Variants in CNTLN observed in about 807,000 individuals in gnomAD.
The protein encoded by CNTLN is centlein, centrosomal protein.
A neutral mutation model predicts 180.0 loss-of-function variants in CNTLN; 212 were observed. The observed-to-expected ratio is 1.18, with a 90% CI of 1.05 to 1.32. CNTLN has a LOEUF of 1.32. CNTLN is among the 40% of genes most tolerant of loss of function. The pLI is 0.00. For synonymous variants in CNTLN, 722 were observed against 563.1 expected (o/e 1.28, Z -3.99); for missense variants, 2,095 against 1,610.9 (o/e 1.30, Z -5.14).
chr9:17,427,610 A>G (rs948892942), intron 18 of CNTLN, among the ~76,000 whole-genome samples: 1 of 152,188 alleles, frequency 6.6e-6, no homozygotes. Context: ...TAGGCATGAC[A>G]GTTCAATACT....
In CNTLN at chr9:17,358,730, G is replaced by T. The variant is rs113204512; in HGVS notation, c.1887-7887G>T. Among the ~76,000 whole-genome samples, 517 of 152,098 alleles carry T rather than the reference G, an allele frequency of 3.4e-3. 1 individual carries two copies. The highest frequency in any genetic ancestry group is 0.012 in the African/African-American group (479 of 41,492). ...CTACTTCTAGTTAGAAACACTAAAA[G>T]GAATCTTGTATATGAGCACATATAC... On this transcript the variant is annotated intron_variant, in intron 12 of 25. Transcript: ENST00000380647.
chr9:17,351,122 T>C (rs770184084), intron 12 of CNTLN, among the ~76,000 whole-genome samples: 10 of 152,204 alleles, frequency 6.6e-5, no homozygotes, highest in Non-Finnish European at 1.3e-4. Context: ...TCTTCAACAC[T>C]CTGGCACCAT....
At chr9:17,177,876 A>C (rs1820829189) in intron 2 of CNTLN, among the ~76,000 whole-genome samples, 1 of 152,188 alleles carries the variant, frequency 6.6e-6, no homozygotes, top group South Asian at 2.1e-4. Context: ...CTGCTGGCTC[A>C]GGCAGCGGTG....
intron 2 of CNTLN, among the ~76,000 whole-genome samples, chr9:17,194,688 C>T (rs948113787): frequency 6.6e-6 from 1 of 152,174 alleles, no homozygotes; most frequent in African/African-American, 2.4e-5. Context: ...ACCTTTGTTA[C>T]CCAGTTCAAA....
At chr9:17,518,036 C>CTTTTTTTTTTTTTTTTTTTTT in the CNTLN span, among the ~76,000 whole-genome samples, 1 of 69,232 alleles carries the variant, frequency 1.4e-5, no homozygotes, top group African/African-American at 6.0e-5. Context: ...TTTTCTTTTC[C>CTTTTTTTTTTTTTTTTTTTTT]TTTTTTTTTT....
intron 2 of CNTLN, among the ~76,000 whole-genome samples, chr9:17,189,239 C>T (rs1821640265): frequency 6.6e-6 from 1 of 150,904 alleles, no homozygotes; most frequent in Admixed American, 6.6e-5. Context: ...CCCGCCACTA[C>T]GCCCGGCTAA....
intron 7 of CNTLN, among the ~76,000 whole-genome samples, chr9:17,302,919 G>A (rs1563976918): frequency 6.6e-6 from 1 of 152,148 alleles, no homozygotes; most frequent in Non-Finnish European, 1.5e-5. Flanking sequence ...TTTTAGAAAT[G>A]TTTTATGTAA....
Position 17,336,941 on chromosome 9 carries a change from A to G in CNTLN, c.1645-3886A>G, listed in dbSNP as rs573887753. Reference sequence around the variant, plus strand: ...TTTACCCTCCCGCCAACAGTGTACAAGTGTTTCTGTTTCTCCACATCCTCT... The same window carrying G: ...TTTACCCTCCCGCCAACAGTGTACAGGTGTTTCTGTTTCTCCACATCCTCT... On this transcript the variant is annotated intron_variant, in intron 10 of 25. Coordinates refer to ENST00000380647, the MANE Select transcript of CNTLN (RefSeq NM_017738.4). Among the ~76,000 whole-genome samples the G allele has an allele frequency of 2.0e-5, 3 of 152,280 alleles. No homozygotes were observed. The South Asian group carries it at 6.2e-4, about 32-fold the overall frequency.
chr9:17,366,586 T>A (rs10963066), intron 12 of CNTLN, 31 bp from the exon 13 acceptor site: 1 of 1,092,742 alleles, frequency 9.2e-7, no homozygotes, highest in South Asian at 1.4e-5. Context: ...AACAATATGG[T>A]TTTAAGTAAA....
intron 15 of CNTLN, among the ~76,000 whole-genome samples, chr9:17,406,488 C>G (rs1442512886): frequency 6.6e-6 from 1 of 151,534 alleles, no homozygotes; most frequent in Non-Finnish European, 1.5e-5. Flanking sequence ...CTAAAACAAC[C>G]AACTCCCTCT....
chr9:17,217,732 C>G (rs956757814), intron 2 of CNTLN, among the ~76,000 whole-genome samples: 4 of 152,148 alleles, frequency 2.6e-5, no homozygotes, highest in Admixed American at 1.3e-4. Flanking sequence ...TTTTCCTACT[C>G]TTTTATGTTG....
intron 3 of CNTLN, among the ~76,000 whole-genome samples, chr9:17,230,641 T>C (rs368063579): frequency 1.8e-4 from 27 of 152,128 alleles, no homozygotes; most frequent in Non-Finnish European, 3.5e-4. Context: ...ATAGTTTTTC[T>C]TGATGGCAGG....
intron 23 of CNTLN, among the ~76,000 whole-genome samples, chr9:17,472,696 A>G (rs946025959): frequency 6.6e-6 from 1 of 152,064 alleles, no homozygotes; most frequent in African/African-American, 2.4e-5. Flanking sequence ...GGGAAGAAAA[A>G]TCTCATACAG....
At chr9:17,139,930 C>G (rs758855481) in intron 1 of CNTLN, among the ~76,000 whole-genome samples, 1 of 152,054 alleles carries the variant, frequency 6.6e-6, no homozygotes, top group Non-Finnish European at 1.5e-5. Flanking sequence ...AGGTTGGTCT[C>G]GAACGTCTGG....
intron 8 of CNTLN, among the ~76,000 whole-genome samples, chr9:17,310,847 T>C (rs1819082630): frequency 6.6e-6 from 1 of 152,042 alleles, no homozygotes; most frequent in Non-Finnish European, 1.5e-5. Flanking sequence ...TTGTGAACTA[T>C]CTGTTTATGT....
intron 8 of CNTLN, among the ~76,000 whole-genome samples, chr9:17,322,956 TG>T (rs1820018344): frequency 6.6e-6 from 1 of 152,152 alleles, no homozygotes; most frequent in South Asian, 2.1e-4. Context: ...CTTGATAACT[TG>T]TAATATTAAA....
chr9:17,277,060 T>TA lies in CNTLN; in HGVS notation c.983+3194_983+3195insA, dbSNP rs369136065. On this transcript the variant is annotated intron_variant, in intron 6 of 25. Coordinates refer to ENST00000380647, the MANE Select transcript of CNTLN (RefSeq NM_017738.4). ...TTGCCTAACCAAAACTTTTACCTGA[T>TA]GGTAATGATGGAGCTACTGTTTCTG... Among the ~76,000 whole-genome samples the TA allele has an allele frequency of 1.7e-4, 13 of 75,656 alleles. 1 individual carries two copies. Among genetic ancestry groups the TA allele is most frequent in the East Asian group, 4.3e-4 (1 of 2,346 alleles). 49.6% of individuals were successfully genotyped at this position (75,656 alleles called of 152,430 possible). A position where few individuals can be genotyped will look rare whatever the true frequency, so the allele number is the denominator to read the frequency against.
chr9:17,463,379 TA>T (rs929289441), intron 20 of CNTLN, among the ~76,000 whole-genome samples: 8 of 151,564 alleles, frequency 5.3e-5, no homozygotes, highest in African/African-American at 1.9e-4. Flanking sequence ...AAAGCTAAGG[TA>T]AAAAAAGGAA....
chr9:17,394,483 A>T, intron 14 of CNTLN, 51 bp from the exon 15 acceptor site: 2 of 1,210,986 alleles, frequency 1.7e-6, no homozygotes, highest in East Asian at 4.9e-5. Context: ...GTAATAAAGT[A>T]TAGTAGATTA....
Sources: allele counts gnomAD v4.1 joint callset (sites outside exome capture counted in the v4.1 genomes callset), GRCh38; gene constraint gnomAD v4.1.1; transcripts MANE v1.5; gene names NCBI Gene and HGNC (gene_info 2026-07-23, HGNC 2026-07-21).